GAK: variants seen among roughly 807,000 people sequenced by gnomAD.
GAK encodes cyclin G associated kinase.
GAK carries 79 observed loss-of-function variants against 143.9 expected under a neutral mutation model. The ratio of observed to expected loss-of-function variants is 0.55; its 90% CI spans 0.46 to 0.66. GAK has a LOEUF of 0.66. Among genes scored for constraint, GAK ranks in the 30% least tolerant of loss-of-function variants. The pLI is 0.00. For missense variants in GAK, 1,693 were observed against 1,779.7 expected, an observed-to-expected ratio of 0.95 and a Z score of 0.88; for synonymous variants, 881 against 765.5, an observed-to-expected ratio of 1.15 and a Z score of -2.49.
intron 4 of GAK, among the ~76,000 whole-genome samples, chr4:911,228 C>G (rs1722000076): frequency 6.6e-6 from 1 of 152,024 alleles, no homozygotes; most frequent in Non-Finnish European, 1.5e-5. Context: ...CCCAGAGCCC[C>G]TGACAAGGAC....
intron 24 of GAK, among the ~76,000 whole-genome samples, chr4:856,172 AGCTGCTCACACCTGCTCACCAC>A (rs1749092415): frequency 7.4e-6 from 1 of 135,870 alleles, no homozygotes; most frequent in African/African-American, 2.7e-5. Context: ...TCACCACCAC[AGCTGCTCACACCTGCTCACCAC>A]AGCTGCTCAC....
At chr4:917,434 A>T (rs980540833) in intron 1 of GAK, among the ~76,000 whole-genome samples, 1 of 152,132 alleles carries the variant, frequency 6.6e-6, no homozygotes, top group South Asian at 2.1e-4. Context: ...ATGCCAAAAA[A>T]AGAGAGTACA....
intron 4 of GAK, among the ~76,000 whole-genome samples, chr4:910,316 G>C (rs1426587655): frequency 1.7e-5 from 2 of 114,518 alleles, no homozygotes; most frequent in African/African-American, 7.1e-5. Context: ...CCCCCGCTAA[G>C]TGCAGTCCCC....
At chr4:852,011 G>T in intron 24 of GAK, 37 bp from the exon 25 acceptor site, 1 of 1,525,690 alleles carries the variant, frequency 6.6e-7, no homozygotes, top group Non-Finnish European at 9.0e-7. Flanking sequence ...GCATCTGGTT[G>T]TCCATGAGGG....
chr4:915,535 T>G (rs528903458), intron 1 of GAK: 3 of 152,424 alleles, frequency 2.0e-5, no homozygotes, highest in Non-Finnish European at 4.4e-5. Context: ...GAATTCTTCA[T>G]AAAACAGCAA....
intron 1 of GAK, among the ~76,000 whole-genome samples, chr4:919,605 C>T (rs1041540177): frequency 1.3e-5 from 2 of 152,260 alleles, no homozygotes; most frequent in African/African-American, 4.8e-5. Flanking sequence ...CACCTCCTGG[C>T]TTGCTCCCTT....
At chr4:892,509 G>A (rs374779351) in intron 9 of GAK, among the ~76,000 whole-genome samples, 1 of 152,190 alleles carries the variant, frequency 6.6e-6, no homozygotes, top group East Asian at 1.9e-4. Context: ...GCATCTTCCA[G>A]CCAACACGTG....
chr4:859,816 G>A, intron 23 of GAK, 94 bp from the exon 24 acceptor site: 1 of 865,446 alleles, frequency 1.2e-6, no homozygotes, highest in South Asian at 1.7e-5. Flanking sequence ...CGACATGACA[G>A]CCTCACTCCT....
intron 19 of GAK, 45 bp downstream of exon 19, chr4:870,666 C>T: frequency 6.3e-7 from 1 of 1,586,508 alleles, no homozygotes; most frequent in Non-Finnish European, 8.6e-7. Context: ...TCCACAGAGA[C>T]ACTCACCAGA....
At chr4:858,968 C>T (rs1211378536) in intron 24 of GAK, among the ~76,000 whole-genome samples, 2 of 152,256 alleles carry the variant, frequency 1.3e-5, no homozygotes, top group African/African-American at 2.4e-5. Flanking sequence ...TTCCACCCGA[C>T]GGCCAGGCAA....
At chr4:903,496 G>A (rs1467116603) in intron 5 of GAK, among the ~76,000 whole-genome samples, 1 of 152,106 alleles carries the variant, frequency 6.6e-6, no homozygotes, top group East Asian at 1.9e-4. Flanking sequence ...CCGAACCAGG[G>A]AGGCACTGTG....
intron 7 of GAK, among the ~76,000 whole-genome samples, chr4:895,181 T>C (rs1032891519): frequency 5.3e-5 from 8 of 152,096 alleles, no homozygotes; most frequent in Non-Finnish European, 1.2e-4. Flanking sequence ...ATATGCAGGG[T>C]GTAGGGCACA....
chr4:887,520 C>T (rs1004059964), intron 11 of GAK: 1 of 150,026 alleles, frequency 6.7e-6, no homozygotes, highest in African/African-American at 2.5e-5. Flanking sequence ...GGCTCACACA[C>T]ACTTGCATGC....
chr4:864,296 T>C (rs1469723305), intron 23 of GAK, among the ~76,000 whole-genome samples: 1 of 152,058 alleles, frequency 6.6e-6, no homozygotes, highest in Non-Finnish European at 1.5e-5. Flanking sequence ...AGGAGGTCAA[T>C]GCTGAAGTGA....
chr4:875,499 G>A lies in GAK; in HGVS notation c.2054+1031C>T, dbSNP rs140037509. On this transcript the variant is annotated intron_variant, in intron 18 of 27. Transcript: ENST00000314167. ...AGGTGCAGAGTCCGCCAGCATCCCCGTGGGGCTGGCCCAAGGCTTCCCTTT... is the reference window on the plus strand; with the variant it reads ...AGGTGCAGAGTCCGCCAGCATCCCCATGGGGCTGGCCCAAGGCTTCCCTTT... Among the ~76,000 whole-genome samples, 1,059 of 152,310 alleles carry A rather than the reference G, an allele frequency of 7.0e-3. 8 individuals are homozygous for A. The highest frequency in any genetic ancestry group is 0.024 in the African/African-American group (988 of 41,576).
At chr4:927,655 C>G (rs1436286771) in intron 1 of GAK, among the ~76,000 whole-genome samples, 2 of 81,090 alleles carry the variant, frequency 2.5e-5, no homozygotes, top group South Asian at 5.2e-4. Flanking sequence ...CACCCCTCCC[C>G]GCTCACCTGT....
chr4:903,095 T>C (rs1489434569), intron 5 of GAK, among the ~76,000 whole-genome samples: 1 of 150,100 alleles, frequency 6.7e-6, no homozygotes, highest in Non-Finnish European at 1.5e-5. Context: ...AACCGCGCAG[T>C]GCCGGCAGCA....
intron 1 of GAK, among the ~76,000 whole-genome samples, chr4:920,203 G>A (rs1723687497): frequency 6.6e-6 from 1 of 151,736 alleles, no homozygotes; most frequent in Non-Finnish European, 1.5e-5. Flanking sequence ...AGCTACTCGG[G>A]AGGCTGAGTC....
intron 11 of GAK, chr4:886,713 C>T (rs557792586): frequency 6.6e-6 from 1 of 152,374 alleles, no homozygotes; most frequent in East Asian, 1.9e-4. Context: ...GCCCTGCTGA[C>T]GCTCCACACG....
Sources: allele counts gnomAD v4.1 joint callset (sites outside exome capture counted in the v4.1 genomes callset), GRCh38; gene constraint gnomAD v4.1.1; transcripts MANE v1.5; gene names NCBI Gene and HGNC (gene_info 2026-07-23, HGNC 2026-07-21).